The following SOBP variants were observed in gnomAD, a reference collection of about 807,000 sequenced individuals.
The protein encoded by SOBP is sine oculis binding protein homolog, also known as sine oculis-binding protein homolog.
Under a neutral mutation model 53.6 loss-of-function variants are expected in SOBP, and 4 were observed. That is an observed-to-expected ratio of 0.07 (90% CI 0.04 to 0.17). The LOEUF (loss-of-function observed/expected upper bound fraction) is 0.17, where lower values mean the gene tolerates loss of function less well. SOBP is among the 10% of genes least tolerant of loss of function. SOBP has a pLI of 1.00. For synonymous variants in SOBP, 584 were observed against 522.6 expected, an observed-to-expected ratio of 1.12 and a Z score of -1.60; for missense variants, 1,088 against 1,204.7, an observed-to-expected ratio of 0.90 and a Z score of 1.43.
At chr6:107,563,008 A>G (rs988815234) in intron 4 of SOBP, among the ~76,000 whole-genome samples, 4 of 152,186 alleles carry the variant, frequency 2.6e-5, no homozygotes, top group African/African-American at 9.7e-5. Flanking sequence ...GAGTAATAAA[A>G]TGGTAATAGA....
intron 1 of SOBP, among the ~76,000 whole-genome samples, chr6:107,495,679 A>G (rs1285841629): frequency 6.6e-6 from 1 of 152,226 alleles, no homozygotes; most frequent in East Asian, 1.9e-4. Context: ...TTTAAAGGAA[A>G]GTAAAAAACA....
chr6:107,521,803 TCTC>T (rs1783496862), intron 3 of SOBP, among the ~76,000 whole-genome samples: 1 of 151,942 alleles, frequency 6.6e-6, no homozygotes, highest in African/African-American at 2.4e-5. Flanking sequence ...ATGCTTTTCT[TCTC>T]CTTGTGCTGA....
intron 4 of SOBP, among the ~76,000 whole-genome samples, chr6:107,576,777 A>G (rs1202042010): frequency 2.6e-5 from 4 of 152,192 alleles, no homozygotes; most frequent in African/African-American, 9.7e-5. Flanking sequence ...GGCTTAGCAT[A>G]TGGACGGGCC....
At chr6:107,645,754 T>A (rs1364306895) in intron 6 of SOBP, among the ~76,000 whole-genome samples, 3 of 152,232 alleles carry the variant, frequency 2.0e-5, no homozygotes, top group African/African-American at 7.2e-5. Context: ...GCTGCCTTGA[T>A]GTAGTGCCTT....
intron 4 of SOBP, among the ~76,000 whole-genome samples, chr6:107,572,402 C>T (rs540185004): frequency 2.0e-5 from 3 of 151,478 alleles, no homozygotes; most frequent in Admixed American, 2.0e-4. Flanking sequence ...CTCCTGGGCT[C>T]AAGTGATTCT....
chr6:107,502,950 G>A (rs1782881334), intron 1 of SOBP, among the ~76,000 whole-genome samples: 1 of 152,082 alleles, frequency 6.6e-6, no homozygotes, highest in Admixed American at 6.6e-5. Flanking sequence ...TGGTAGACAA[G>A]GGGTTTCACC....
At chr6:107,539,567 G>A (rs1249310234) in intron 4 of SOBP, among the ~76,000 whole-genome samples, 2 of 152,108 alleles carry the variant, frequency 1.3e-5, no homozygotes, top group Non-Finnish European at 2.9e-5. Context: ...TAAAAGGCAC[G>A]CTCCCTTTTA....
chr6:107,559,549 A>G (rs1214754438), intron 4 of SOBP, among the ~76,000 whole-genome samples: 1 of 152,256 alleles, frequency 6.6e-6, no homozygotes, highest in African/African-American at 2.4e-5. Flanking sequence ...TAGTCCTGTC[A>G]AGAATAAATG....
chr6:107,566,346 C>T (rs1289442199), intron 4 of SOBP, among the ~76,000 whole-genome samples: 1 of 152,210 alleles, frequency 6.6e-6, no homozygotes, highest in Non-Finnish European at 1.5e-5. Flanking sequence ...TGTTTGTTCA[C>T]TTGAGACTCT....
chr6:107,620,596 G>A (rs1319538970), intron 5 of SOBP, among the ~76,000 whole-genome samples: 3 of 152,158 alleles, frequency 2.0e-5, no homozygotes, highest in Admixed American at 6.5e-5. Context: ...TTAGCACACA[G>A]TTCTTTTCCT....
intron 6 of SOBP, among the ~76,000 whole-genome samples, chr6:107,656,301 A>AAGACAGAAAGAAAGAAAGACAGAAAGAC (rs779859391): frequency 3.9e-4 from 20 of 51,394 alleles, no homozygotes; most frequent in African/African-American, 1.2e-3. Flanking sequence ...GAAAGAAAGA[A>AAGACAGAAAGAAAGAAAGACAGAAAGAC]AGAAAGAAAG....
intron 5 of SOBP, among the ~76,000 whole-genome samples, chr6:107,631,140 AG>A (rs1283475951): frequency 6.6e-6 from 1 of 152,192 alleles, no homozygotes; most frequent in African/African-American, 2.4e-5. Context: ...AATCCTTTGG[AG>A]GCAAATAATT....
chr6:107,515,502 A>C (rs1783291147), intron 3 of SOBP, among the ~76,000 whole-genome samples: 1 of 152,166 alleles, frequency 6.6e-6, no homozygotes, highest in Admixed American at 6.5e-5. Context: ...TAATCCTAGC[A>C]CTTTGGGAGG....
At chr6:107,519,127 G>T (rs1448016609) in intron 3 of SOBP, among the ~76,000 whole-genome samples, 1 of 148,528 alleles carries the variant, frequency 6.7e-6, no homozygotes, top group Non-Finnish European at 1.5e-5. Flanking sequence ...GAGACACTGG[G>T]TGAGTGACAA....
At chr6:107,645,683 G>T (rs1252078426) in intron 6 of SOBP, among the ~76,000 whole-genome samples, 4 of 152,214 alleles carry the variant, frequency 2.6e-5, no homozygotes, top group African/African-American at 9.6e-5. Context: ...GGAAGAATGA[G>T]CACACAAGTA....
intron 5 of SOBP, among the ~76,000 whole-genome samples, chr6:107,620,739 G>C (rs1786974002): frequency 6.6e-6 from 1 of 152,156 alleles, no homozygotes; most frequent in South Asian, 2.1e-4. Context: ...AGCACTGAAA[G>C]AAAGGCCCGC....
At chr6:107,638,264 G>A (rs896007766) in intron 6 of SOBP, among the ~76,000 whole-genome samples, 6 of 152,122 alleles carry the variant, frequency 3.9e-5, no homozygotes, top group Admixed American at 1.3e-4. Flanking sequence ...AGGCTGGAGC[G>A]CAGTGGCGCG....
chr6:107,582,499 A>C (rs1323580188), intron 4 of SOBP, among the ~76,000 whole-genome samples: 1 of 152,186 alleles, frequency 6.6e-6, no homozygotes, highest in Non-Finnish European at 1.5e-5. Flanking sequence ...AACTGTCAGC[A>C]AAACAGGGAA....
intron 4 of SOBP, among the ~76,000 whole-genome samples, chr6:107,572,304 C>CTTTTTT (rs5878919): frequency 1.4e-5 from 2 of 140,594 alleles, no homozygotes; most frequent in Non-Finnish European, 3.1e-5. Context: ...AATTTGCACA[C>CTTTTTT]TTTTTTTTTT....
Sources: allele counts gnomAD v4.1 joint callset (sites outside exome capture counted in the v4.1 genomes callset), GRCh38; gene constraint gnomAD v4.1.1; transcripts MANE v1.5; gene names NCBI Gene and HGNC (gene_info 2026-07-23, HGNC 2026-07-21).